The following UBE2R2 variants were observed in gnomAD, a reference collection of about 807,000 sequenced individuals.
UBE2R2 encodes the protein ubiquitin conjugating enzyme E2 R2.
A neutral mutation model predicts 27.8 loss-of-function variants in UBE2R2; 1 was observed. That is an observed-to-expected ratio of 0.04 (90% CI 0.01 to 0.17). UBE2R2 has a LOEUF of 0.17. Ranked by LOEUF, UBE2R2 falls within the 10% of genes least tolerant of loss-of-function variation. UBE2R2 has a pLI of 1.00. For synonymous variants in UBE2R2, 106 were observed against 113.3 expected (o/e 0.94, Z 0.41); for missense variants, 100 against 291.0 (o/e 0.34, Z 4.78).
At chr9:33,890,522 C>G (rs1317699573) in intron 2 of UBE2R2, among the ~76,000 whole-genome samples, 1 of 150,930 alleles carries the variant, frequency 6.6e-6, no homozygotes, top group African/African-American at 2.4e-5. Context: ...GAGCTGAGAT[C>G]GAGCTAAGGC....
At chr9:33,887,014 A>G (rs1405493965) in intron 2 of UBE2R2, 47 bp downstream of exon 2, 13 of 1,477,314 alleles carry the variant, frequency 8.8e-6, no homozygotes, top group African/African-American at 1.4e-5. Flanking sequence ...TTTTTTTTTA[A>G]ATCAGTACTT....
intron 1 of UBE2R2, among the ~76,000 whole-genome samples, chr9:33,819,546 C>T (rs1033178459): frequency 6.6e-6 from 1 of 152,100 alleles, no homozygotes; most frequent in Non-Finnish European, 1.5e-5. Context: ...AAAGATATTG[C>T]TGTGTTTATG....
rs150726058 is a variant in UBE2R2, at chr9:33,869,542, C to T, written c.178-17339C>T. Among the ~76,000 whole-genome samples, 376 of 151,382 alleles carry T rather than the reference C, an allele frequency of 2.5e-3. 2 individuals carry two copies. The highest frequency in any genetic ancestry group is 8.6e-3 in the African/African-American group (355 of 41,232). Reference sequence around the variant, plus strand: ...GCTCACTGCAATCTCTGAGGCCTCCCGGGTTCAAGTGATTCTCCTGTTTCA... The same window carrying T: ...GCTCACTGCAATCTCTGAGGCCTCCTGGGTTCAAGTGATTCTCCTGTTTCA... On this transcript the variant is annotated intron_variant, in intron 1 of 4. Transcript: ENST00000263228.
At chr9:33,849,107 A>G (rs1159331771) in intron 1 of UBE2R2, among the ~76,000 whole-genome samples, 1 of 152,000 alleles carries the variant, frequency 6.6e-6, no homozygotes, top group Non-Finnish European at 1.5e-5. Flanking sequence ...AAATACAAAA[A>G]TTAGCCGGGC....
At chr9:33,893,083 A>G (rs1822024357) in intron 2 of UBE2R2, among the ~76,000 whole-genome samples, 1 of 152,182 alleles carries the variant, frequency 6.6e-6, no homozygotes, top group Non-Finnish European at 1.5e-5. Flanking sequence ...TCATTCATAA[A>G]TAAATAAGTA....
At chr9:33,893,633 T>C (rs991303759) in intron 2 of UBE2R2, among the ~76,000 whole-genome samples, 1 of 152,098 alleles carries the variant, frequency 6.6e-6, no homozygotes, top group African/African-American at 2.4e-5. Flanking sequence ...ACTTTTTATT[T>C]ATTTATTTAT....
intron 2 of UBE2R2, among the ~76,000 whole-genome samples, chr9:33,890,556 A>T (rs549720673): frequency 1.3e-5 from 2 of 152,116 alleles, no homozygotes; most frequent in Admixed American, 6.5e-5. Context: ...TCACGCCTGT[A>T]GTCCCAGCAC....
chr9:33,828,505 T>G (rs1176362677), intron 1 of UBE2R2, among the ~76,000 whole-genome samples: 1 of 151,602 alleles, frequency 6.6e-6, no homozygotes, highest in East Asian at 2.0e-4. Flanking sequence ...TTCTGCTGCC[T>G]TAGCCTCCAA....
chr9:33,914,439 ACAT>A (rs2130824173), intron 4 of UBE2R2, among the ~76,000 whole-genome samples: 1 of 152,332 alleles, frequency 6.6e-6, no homozygotes, highest in South Asian at 2.1e-4. Context: ...GTCTTCAAAG[ACAT>A]TGAAGTCATG....
intron 2 of UBE2R2, among the ~76,000 whole-genome samples, chr9:33,898,835 G>A (rs1159078291): frequency 2.0e-5 from 3 of 152,212 alleles, no homozygotes; most frequent in Non-Finnish European, 2.9e-5. Flanking sequence ...CAAGAGATAA[G>A]TCACTGTATT....
At chr9:33,843,804 A>T (rs552610612) in intron 1 of UBE2R2, among the ~76,000 whole-genome samples, 2 of 152,298 alleles carry the variant, frequency 1.3e-5, no homozygotes, top group South Asian at 4.1e-4. Context: ...TGTTTAAGAC[A>T]GGAAGTTTAT....
rs1171487524 is a variant in UBE2R2, at chr9:33,840,449, C to T, written c.177+22515C>T. 2.6e-5 allele frequency among the ~76,000 whole-genome samples: 4 copies of T among 152,052 alleles called. No homozygotes were observed. The South Asian group carries it at 8.3e-4, about 32-fold the overall frequency. ...TCCTTAGTTTTTATGTTGAAGAACC[C>T]AGGGAGAGTTAACCAAAGTTTGAAT... On this transcript the variant is annotated intron_variant, in intron 1 of 4. Transcript: ENST00000263228.
At chr9:33,849,304 G>A (rs1563987638) in intron 1 of UBE2R2, among the ~76,000 whole-genome samples, 1 of 152,098 alleles carries the variant, frequency 6.6e-6, no homozygotes, top group Non-Finnish European at 1.5e-5. Flanking sequence ...ATTAATATGT[G>A]CACTGCTCTG....
intron 1 of UBE2R2, among the ~76,000 whole-genome samples, chr9:33,861,357 C>T (rs895991201): frequency 3.9e-5 from 6 of 152,014 alleles, no homozygotes; most frequent in Admixed American, 3.3e-4. Flanking sequence ...TGCCCGAGGT[C>T]AGGAGTTTGA....
At chr9:33,845,731 G>T (rs1214732116) in intron 1 of UBE2R2, among the ~76,000 whole-genome samples, 7 of 152,094 alleles carry the variant, frequency 4.6e-5, no homozygotes, top group Non-Finnish European at 8.8e-5. Context: ...TTCTAGGCCG[G>T]GTACAGTAGC....
chr9:33,907,765 C>T lies in UBE2R2; in HGVS notation c.363-4199C>T, dbSNP rs113129389. 3.4e-3 allele frequency among the ~76,000 whole-genome samples: 510 copies of T among 152,178 alleles called. 2 individuals carry two copies. Among genetic ancestry groups the T allele is most frequent in the Non-Finnish European group, 5.8e-3 (394 of 67,992 alleles). ...ACAGTAAATGAATAAGGATTTTAAA[C>T]ACTTAAACTCATTTTTTAAACAAAA... On this transcript the variant is annotated intron_variant, in intron 3 of 4. Coordinates refer to ENST00000263228, the MANE Select transcript of UBE2R2 (RefSeq NM_017811.4).
At chr9:33,881,476 G>T (rs991391862) in intron 1 of UBE2R2, among the ~76,000 whole-genome samples, 7 of 152,222 alleles carry the variant, frequency 4.6e-5, no homozygotes, top group African/African-American at 1.4e-4. Flanking sequence ...ATTCTCCTGT[G>T]CCTCCATATC....
At chr9:33,854,564 C>T (rs536141781) in intron 1 of UBE2R2, among the ~76,000 whole-genome samples, 2 of 152,086 alleles carry the variant, frequency 1.3e-5, no homozygotes, top group South Asian at 2.1e-4. Context: ...TTACGTGATC[C>T]GCCTGCTTCG....
intron 3 of UBE2R2, among the ~76,000 whole-genome samples, chr9:33,906,096 C>T (rs561719482): frequency 1.0e-4 from 15 of 147,260 alleles, no homozygotes; most frequent in South Asian, 4.3e-4. Flanking sequence ...TTGTTGTTGT[C>T]GTCGTCGTCG....
Sources: allele counts gnomAD v4.1 joint callset (sites outside exome capture counted in the v4.1 genomes callset), GRCh38; gene constraint gnomAD v4.1.1; transcripts MANE v1.5; gene names NCBI Gene and HGNC (gene_info 2026-07-23, HGNC 2026-07-21).